Variants in NKTR observed in about 807,000 individuals in gnomAD.
NKTR encodes natural killer cell triggering receptor, also known as NK-tumor recognition protein.
A neutral mutation model predicts 156.3 loss-of-function variants in NKTR; 67 were observed. The ratio of observed to expected loss-of-function variants is 0.43; its 90% confidence interval spans 0.35 to 0.53. The LOEUF is 0.53. Ranked by LOEUF, NKTR falls within the 20% of genes least tolerant of loss-of-function variation. NKTR has a pLI of 0.01. For synonymous variants in NKTR, 640 were observed against 596.6 expected (o/e 1.07, Z -1.06); for missense variants, 1,604 against 1,730.9 (o/e 0.93, Z 1.30).
In NKTR at chr3:42,637,689, C is replaced by T. The variant is rs1255077653; in HGVS notation, c.1985C>T (p.Ser662Leu). Reference sequence around the variant, plus strand: ...AATATTAAAGAGACTGGTAGCTCATCATCCTACCATAAAAGAGAAAAAAAT... The same window carrying T: ...AATATTAAAGAGACTGGTAGCTCATTATCCTACCATAAAAGAGAAAAAAAT... ...LANIKETGSS[S>L]SYHKREKNSE... Residue 662 changes from serine (S) to leucine (L), a missense_variant, in exon 13 of 17, where the codon TCA (serine) becomes TTA (leucine). Physicochemically the swap from Ser to Leu is moderately radical, Grantham distance 145 (BLOSUM62 -2). This residue lies in a region of NKTR where 1,255 missense variants were observed against 1,243.7 expected (regional missense o/e 1.01). Transcript: ENST00000232978. 1.9e-6 allele frequency: 3 copies of T among 1,614,006 alleles called. No individual in the cohort carries two copies. Among genetic ancestry groups the T allele is most frequent in the Non-Finnish European group, 2.5e-6 (3 of 1,179,940 alleles).
intron 8 of NKTR, among the ~76,000 whole-genome samples, chr3:42,632,061 CTTTTTTT>C (rs564114469): frequency 8.1e-5 from 7 of 86,494 alleles, no homozygotes; most frequent in Admixed American, 1.5e-4. Context: ...TTATGCAATT[CTTTTTTT>C]TTTTTTTTTT....
chr3:42,641,999 C>G (rs553562679), intron 13 of NKTR, among the ~76,000 whole-genome samples: 77 of 152,120 alleles, frequency 5.1e-4, no homozygotes, highest in African/African-American at 1.6e-3. Context: ...ATAGCTTTAC[C>G]CCAAGTGTTT....
At chr3:42,636,766 AGT>A (rs1709452605) in intron 12 of NKTR, 100 bp from the exon 13 acceptor site, 1 of 1,445,498 alleles carries the variant, frequency 6.9e-7, no homozygotes, top group Non-Finnish European at 9.1e-7. Context: ...GTGTGCTTAA[AGT>A]GTTAATGGGG....
Position 42,647,570 on chromosome 3 carries a change from G to C in NKTR, c.*1595G>C, listed in dbSNP as rs1160569718. On this transcript the variant is annotated 3_prime_UTR_variant, in exon 17 of 17. Coordinates refer to ENST00000232978, the MANE Select transcript of NKTR (RefSeq NM_005385.4). ...GAAGGTATGAAAACAGGGTAAGGTG[G>C]TCAGTTGTTTGCCAGGTCAATAGAC... is the stretch of plus-strand genomic sequence containing the variant. 6.6e-6 allele frequency: 1 copy of C among 152,094 alleles called. No individual in the cohort carries two copies. Among genetic ancestry groups the C allele is most frequent in the Non-Finnish European group, 1.5e-5 (1 of 68,040 alleles). The allele number at this position is 152,094 out of a possible 1,614,324, so 9.4% of individuals were successfully genotyped here.
chr3:42,647,212 C>T lies in NKTR; in HGVS notation c.*1237C>T, dbSNP rs890917742. On this transcript the variant is annotated 3_prime_UTR_variant, in exon 17 of 17. Transcript: ENST00000232978. ...GGGATAGAGGGTATAGCATAAATTA[C>T]ATATTTTCATGGCTTTGGGTGGTTC... 1 of 148,824 alleles carries T rather than the reference C, an allele frequency of 6.7e-6. No individual in the cohort carries two copies. Among genetic ancestry groups the T allele is most frequent in the Non-Finnish European group, 1.5e-5 (1 of 67,772 alleles). 9.2% of individuals were successfully genotyped at this position (148,824 alleles called of 1,614,324 possible). A position where few individuals can be genotyped will look rare whatever the true frequency, so the allele number is the denominator to read the frequency against.
rs544738421 is a variant in NKTR at position 42,626,835 on chromosome 3, T to C, written c.375-3711T>C. On this transcript the variant is annotated intron_variant, in intron 6 of 16. Transcript: ENST00000232978. ...CTGGTCCTGGGCATTCAGATTTTTATATTTATGTATGTATGCAAGATACAC... is the reference window on the plus strand; with the variant it reads ...CTGGTCCTGGGCATTCAGATTTTTACATTTATGTATGTATGCAAGATACAC... Among the ~76,000 whole-genome samples the C allele has an allele frequency of 4.3e-4, 65 of 152,302 alleles. 1 individual carries two copies. The highest frequency in any genetic ancestry group is 9.6e-4 in the East Asian group (5 of 5,192).
At chr3:42,614,786 T>C (rs1201199139) in intron 2 of NKTR, among the ~76,000 whole-genome samples, 2 of 152,206 alleles carry the variant, frequency 1.3e-5, no homozygotes, top group Admixed American at 1.3e-4. Context: ...AACTAATGTC[T>C]GAATATCCAT....
intron 4 of NKTR, 95 bp from the exon 5 acceptor site, chr3:42,619,569 A>G (rs774415305): frequency 1.9e-6 from 3 of 1,579,516 alleles, no homozygotes; most frequent in Non-Finnish European, 2.6e-6. Flanking sequence ...TAACATTCCA[A>G]GGTTTCCTTC....
At chr3:42,625,847 G>T (rs561342833) in intron 6 of NKTR, among the ~76,000 whole-genome samples, 2 of 152,058 alleles carry the variant, frequency 1.3e-5, no homozygotes, top group Non-Finnish European at 2.9e-5. Flanking sequence ...TAATGTTTAT[G>T]TGACTTACGT....
Position 42,608,262 on chromosome 3 carries a change from G to A in NKTR, c.58+7198G>A, listed in dbSNP as rs781036555. Among the ~76,000 whole-genome samples the A allele has an allele frequency of 4.6e-5, 7 of 151,946 alleles. No individual in the cohort carries two copies. In the East Asian group the frequency reaches 5.8e-4, roughly 13 times the overall value. ...CACCTCGGCCTCCGTGAGCCACTGC[G>A]CCTGGCTTCTGAGTCACTCTTACTT... is the stretch of plus-strand genomic sequence containing the variant. On this transcript the variant is annotated intron_variant, in intron 2 of 16. Transcript: ENST00000232978.
Position 42,635,247 on chromosome 3 carries a change from A to T in NKTR, c.1044A>T (p.Arg348Ser), listed in dbSNP as rs1423168427. The T allele has an allele frequency of 1.9e-6, 3 of 1,613,390 alleles. No homozygotes were observed. Among genetic ancestry groups the T allele is most frequent in the Admixed American group, 1.7e-5 (1 of 59,872 alleles). ...TIRYHTPPRS[R>S]SCSESDDDDS... ...GCTATCACACACCTCCAAGATCAAGATCCTGTTCTGAGTCAGATGATGATG... is the reference window on the plus strand; with the variant it reads ...GCTATCACACACCTCCAAGATCAAGTTCCTGTTCTGAGTCAGATGATGATG... The change falls in exon 12 of 17, where the codon AGA (arginine) becomes AGT (serine). Residue 348 changes from arginine to serine, a missense_variant. Transcript: ENST00000232978.
chr3:42,633,393 CA>C (rs1709089892), intron 9 of NKTR, 186 bp from the exon 10 acceptor site: 12 of 1,360,458 alleles, frequency 8.8e-6, no homozygotes, highest in Non-Finnish European at 9.4e-6. Flanking sequence ...ATTTTCCTAT[CA>C]AAATTCTAGT....
At chr3:42,610,044 C>T (rs1706619837) in intron 2 of NKTR, among the ~76,000 whole-genome samples, 2 of 151,942 alleles carry the variant, frequency 1.3e-5, no homozygotes, top group Admixed American at 1.3e-4. Context: ...GCTCTTGTTG[C>T]CCAGGCTGGA....
intron 6 of NKTR, among the ~76,000 whole-genome samples, chr3:42,624,891 A>T (rs1210122990): frequency 6.6e-6 from 1 of 152,158 alleles, no homozygotes; most frequent in African/African-American, 2.4e-5. Context: ...AAGATGTTGT[A>T]TAAAATAGTC....
Position 42,639,603 on chromosome 3 carries a change from A to G in NKTR, c.3899A>G (p.Glu1300Gly), listed in dbSNP as rs747818810. ...RPRNQESSSD[E>G]QTPSRDDDSQ... is the part of the protein sequence containing the mutation. ...AGAAATCAGGAGAGTTCAAGTGATGAGCAGACGCCTAGTCGGGATGATGAT... is the reference window on the plus strand; with the variant it reads ...AGAAATCAGGAGAGTTCAAGTGATGGGCAGACGCCTAGTCGGGATGATGAT... Residue 1300 changes from glutamate (E) to glycine (G), a missense_variant, in exon 13 of 17, where the codon GAG becomes GGG. Coordinates refer to ENST00000232978, the MANE Select transcript of NKTR (RefSeq NM_005385.4). 2 of 1,614,116 alleles carry G rather than the reference A, an allele frequency of 1.2e-6. No individual in the cohort carries two copies. Among genetic ancestry groups the G allele is most frequent in the East Asian group, 2.2e-5 (1 of 44,902 alleles).
intron 6 of NKTR, chr3:42,629,376 A>T (rs1458408040): frequency 2.1e-6 from 2 of 946,134 alleles, no homozygotes; most frequent in Non-Finnish European, 2.5e-6. Context: ...AATTTTTTTA[A>T]ATTAAATTCT....
chr3:42,614,278 T>C (rs1577453707), intron 2 of NKTR, among the ~76,000 whole-genome samples: 2 of 152,172 alleles, frequency 1.3e-5, no homozygotes, highest in East Asian at 3.8e-4. Flanking sequence ...TTCTCATCAG[T>C]TTGGGAGCCA....
chr3:42,635,695 G>A lies in NKTR; in HGVS notation c.1163+329G>A, dbSNP rs184584239. The stretch of plus-strand genomic sequence containing the variant: ...AGCACTTTGGGAGGCCGAGGCAGGC[G>A]GATCACGAGGTCAGGAGATTGGGAC... On this transcript the variant is annotated intron_variant, in intron 12 of 16. Coordinates refer to ENST00000232978, the MANE Select transcript of NKTR (RefSeq NM_005385.4). Among the ~76,000 whole-genome samples, 580 of 151,548 alleles carry A rather than the reference G, an allele frequency of 3.8e-3. 11 individuals are homozygous for A. Among genetic ancestry groups the A allele is most frequent in the Non-Finnish European group, 4.2e-3 (287 of 67,852 alleles).
At chr3:42,607,782 A>G (rs945322379) in intron 2 of NKTR, among the ~76,000 whole-genome samples, 3 of 151,998 alleles carry the variant, frequency 2.0e-5, no homozygotes, top group South Asian at 2.1e-4. Context: ...AAATTTGAAT[A>G]TGGATTATTA....
Sources: allele counts gnomAD v4.1 joint callset (sites outside exome capture counted in the v4.1 genomes callset), GRCh38; gene constraint gnomAD v4.1.1; regional missense constraint gnomAD v4.1.1; transcripts MANE v1.5; gene names NCBI Gene and HGNC (gene_info 2026-07-23, HGNC 2026-07-21).